Variants in FKBP11 observed in about 807,000 individuals in gnomAD.
FKBP11 encodes the protein FKBP prolyl isomerase 11.
A neutral mutation model predicts 24.7 loss-of-function variants in FKBP11; 21 were observed. The observed-to-expected ratio is 0.85, with a 90% CI of 0.60 to 1.23. FKBP11 has a LOEUF of 1.23. Among genes scored for constraint, FKBP11 ranks in the 50% most tolerant of loss-of-function variants. The probability of loss-of-function intolerance (pLI) is 0.00; values close to 1 mark genes in which losing one functional copy is unlikely to be tolerated. For missense variants in FKBP11, 245 were observed against 248.7 expected, an observed-to-expected ratio of 0.99 and a Z score of 0.10; for synonymous variants, 106 against 100.6, an observed-to-expected ratio of 1.05 and a Z score of -0.32.
Position 48,925,487 on chromosome 12 carries a change from C to G in FKBP11, c.-59G>C. On this transcript the variant is annotated 5_prime_UTR_variant, in exon 1 of 6. Coordinates refer to ENST00000550765, the MANE Select transcript of FKBP11 (RefSeq NM_016594.3). ...GACAGGCTGTTCGGGTGGCGGCAGCCAGGACAGCGTTCCCGCGGCGCCCAG... is the reference window on the plus strand; with the variant it reads ...GACAGGCTGTTCGGGTGGCGGCAGCGAGGACAGCGTTCCCGCGGCGCCCAG... 6.6e-7 allele frequency: 1 copy of G among 1,517,666 alleles called. No individual in the cohort carries two copies. Among genetic ancestry groups the G allele is most frequent in the Non-Finnish European group, 8.8e-7 (1 of 1,133,140 alleles). 94.0% of individuals were successfully genotyped at this position (1,517,666 alleles called of 1,614,324 possible).
In FKBP11 at chr12:48,921,984, T is replaced by C. The variant is rs957810327; in HGVS notation, c.606A>G (p.Ter202=). ...TAAGTTTTTTAAAATTTATTATTTATTATTTCTTTTTGCTCTTGTTTCGTT... is the reference window on the plus strand; with the variant it reads ...TAAGTTTTTTAAAATTTATTATTTACTATTTCTTTTTGCTCTTGTTTCGTT... ...EEKRNKSKKK[*] Residue 202 remains the stop codon, a stop_retained_variant, in exon 6 of 6, where the codon TAA becomes TAG. Coordinates refer to ENST00000550765, the MANE Select transcript of FKBP11 (RefSeq NM_016594.3). 3 of 1,579,554 alleles carry C rather than the reference T, an allele frequency of 1.9e-6. No individual in the cohort carries two copies. Among genetic ancestry groups the C allele is most frequent in the African/African-American group, 2.7e-5 (2 of 73,256 alleles).
In FKBP11 at chr12:48,925,456, C is replaced by G. The variant is rs774717756; in HGVS notation, c.-28G>C. On this transcript the variant is annotated 5_prime_UTR_variant, in exon 1 of 6. Transcript: ENST00000550765. ...CTGGGCGCGGGGCAGGGAGCCGGGG[C>G]ACCAGGACAGGCTGTTCGGGTGGCG... The G allele has an allele frequency of 3.9e-6, 6 of 1,544,718 alleles. No individual in the cohort carries two copies. In the Admixed American group the frequency reaches 9.8e-5, roughly 25 times the overall value.
chr12:48,932,239 ATATATATATATATATATATATATTTT>A, the FKBP11 span, among the ~76,000 whole-genome samples: 1 of 33,046 alleles, frequency 3.0e-5, no homozygotes, highest in African/African-American at 1.3e-4. Context: ...ATATATATAT[ATATATATATATATATATATATATTTT>A]TTTTTTTTTT....
chr12:48,924,097 T>C (rs1939898508), intron 4 of FKBP11, 126 bp downstream of exon 4: 2 of 1,165,068 alleles, frequency 1.7e-6, no homozygotes, highest in South Asian at 2.5e-5. Flanking sequence ...CCCACTGACC[T>C]GGACCTGTCC....
upstream of FKBP11, chr12:48,925,615 C>T (rs1939948170): frequency 2.8e-6 from 2 of 714,950 alleles, no homozygotes; most frequent in Admixed American, 2.9e-5. Flanking sequence ...GGCCGAGGGG[C>T]GCCCTCTGTA....
At chr12:48,931,423 C>G, upstream of FKBP11, 1 of 1,536,002 alleles carries the variant, frequency 6.5e-7, no homozygotes, top group Non-Finnish European at 8.7e-7. Flanking sequence ...GCAGCACAAG[C>G]CCATCTGCAC....
upstream of FKBP11, chr12:48,931,264 C>G (rs772945281): frequency 1.2e-4 from 75 of 617,604 alleles, no homozygotes; most frequent in Non-Finnish European, 3.1e-5. Context: ...TATCAGCAGA[C>G]TCGAACAGTG....
upstream of FKBP11, chr12:48,925,644 G>T: frequency 1.6e-6 from 1 of 614,030 alleles, no homozygotes; most frequent in Non-Finnish European, 2.8e-6. Flanking sequence ...GATCCGGAGG[G>T]CGCAGGTTCT....
At chr12:48,934,738 G>A in the FKBP11 span, among the ~76,000 whole-genome samples, 1 of 152,166 alleles carries the variant, frequency 6.6e-6, no homozygotes, top group South Asian at 2.1e-4. Context: ...ACCTGGCCGG[G>A]CGTGGTGGCT....
intron 2 of FKBP11, 108 bp downstream of exon 2, chr12:48,924,938 C>G (rs1373116107): frequency 6.9e-7 from 1 of 1,452,664 alleles, no homozygotes; most frequent in Non-Finnish European, 9.1e-7. Flanking sequence ...CCCAGAGCCC[C>G]GAGTTTCTTC....
intron 3 of FKBP11, 122 bp from the exon 4 acceptor site, chr12:48,924,378 G>T: frequency 6.8e-6 from 9 of 1,330,374 alleles, no homozygotes; most frequent in Non-Finnish European, 9.6e-6. Context: ...TAAATCTCTG[G>T]CTTCCAATAG....
chr12:48,924,394 G>A (rs1190804339), intron 3 of FKBP11, 138 bp from the exon 4 acceptor site: 23 of 1,217,616 alleles, frequency 1.9e-5, no homozygotes, highest in Non-Finnish European at 2.7e-5. Flanking sequence ...AATAGGATAT[G>A]GGACAAGTGG....
chr12:48,923,159 A>AAAAAAG lies in FKBP11; in HGVS notation c.388+622_388+623insCTTTTT, dbSNP rs200170350. The AAAAAAG allele has an allele frequency of 2.0e-4, 219 of 1,095,390 alleles. 1 individual carries two copies. In the African/African-American group the frequency reaches 3.3e-3, roughly 16 times the overall value. The allele number at this position is 1,095,390 out of a possible 1,614,324, so 67.9% of individuals were successfully genotyped here. ...GTGAAACTCCATCTCAAAAAAAAAA[A>AAAAAAG]AAGAATTACGAGCCCAATACTCTGT... On this transcript the variant is annotated intron_variant, in intron 5 of 5. Transcript: ENST00000550765.
chr12:48,931,470 C>G, upstream of FKBP11: 1 of 1,535,686 alleles, frequency 6.5e-7, no homozygotes, highest in African/African-American at 1.4e-5. Flanking sequence ...TTCCTTGGAT[C>G]AAGTTAGAAG....
the FKBP11 span, among the ~76,000 whole-genome samples, chr12:48,933,767 T>C: frequency 6.6e-6 from 1 of 150,426 alleles, no homozygotes; most frequent in African/African-American, 2.5e-5. Flanking sequence ...CGGAAAAGGC[T>C]GAGGCACAAG....
intron 2 of FKBP11, 25 bp downstream of exon 2, chr12:48,925,015 AGGCCCC>A: frequency 9.8e-7 from 1 of 1,025,024 alleles, no homozygotes; most frequent in Non-Finnish European, 1.5e-6. Context: ...GCCCCCTCCC[AGGCCCC>A]GCCCCGGCCC....
upstream of FKBP11, among the ~76,000 whole-genome samples, chr12:48,927,276 C>T (rs1355943303): frequency 6.6e-6 from 1 of 152,128 alleles, no homozygotes; most frequent in Non-Finnish European, 1.5e-5. Flanking sequence ...CAGCTCTTCC[C>T]TTCCATTCCC....
chr12:48,927,934 A>G (rs931248448), upstream of FKBP11, among the ~76,000 whole-genome samples: 138 of 151,166 alleles, frequency 9.1e-4, no homozygotes, highest in African/African-American at 3.2e-3. Flanking sequence ...TTGTGGGGGA[A>G]AAAAAAAAGA....
At chr12:48,927,076 G>A (rs1939985406), upstream of FKBP11, among the ~76,000 whole-genome samples, 1 of 152,172 alleles carries the variant, frequency 6.6e-6, no homozygotes. Flanking sequence ...CCGAAGTGCT[G>A]GGATTACAGG....
Sources: allele counts gnomAD v4.1 joint callset (sites outside exome capture counted in the v4.1 genomes callset), GRCh38; gene constraint gnomAD v4.1.1; transcripts MANE v1.5; gene names NCBI Gene and HGNC (gene_info 2026-07-23, HGNC 2026-07-21).